ADAMTSL1: variants seen among roughly 807,000 people sequenced by gnomAD.
The protein encoded by ADAMTSL1 is ADAMTS-like protein 1.
In ADAMTSL1, 126 loss-of-function variants were observed where a neutral mutation model predicts 201.8. The observed-to-expected ratio is 0.62, with a 90% CI of 0.54 to 0.72. The LOEUF (loss-of-function observed/expected upper bound fraction) is 0.72. Ranked by LOEUF, ADAMTSL1 falls within the 30% of genes least tolerant of loss-of-function variation. ADAMTSL1 has a pLI of 0.00. For missense variants in ADAMTSL1, 2,679 were observed against 2,277.8 expected (o/e 1.18, Z -3.59); for synonymous variants, 1,121 against 903.4 (o/e 1.24, Z -4.32).
intron 2 of ADAMTSL1, among the ~76,000 whole-genome samples, chr9:18,301,784 A>G (rs180859721): frequency 6.0e-4 from 91 of 152,330 alleles, no homozygotes; most frequent in African/African-American, 2.0e-3. Flanking sequence ...CTTATGGGGC[A>G]AGGTAGTGAC....
chr9:18,466,754 T>C (rs1305521854), intron 2 of ADAMTSL1, among the ~76,000 whole-genome samples: 1 of 152,138 alleles, frequency 6.6e-6, no homozygotes, highest in Non-Finnish European at 1.5e-5. Context: ...AATTATGATA[T>C]GAGATAATTT....
At chr9:17,972,871 T>A in intron 1 of ADAMTSL1, among the ~76,000 whole-genome samples, 1 of 145,522 alleles carries the variant, frequency 6.9e-6, no homozygotes, top group Admixed American at 7.1e-5. Context: ...TGGTGTGAGA[T>A]GGTATCTCAT....
At chr9:17,958,103 G>A (rs1047581459) in intron 1 of ADAMTSL1, among the ~76,000 whole-genome samples, 1 of 151,968 alleles carries the variant, frequency 6.6e-6, no homozygotes, top group African/African-American at 2.4e-5. Context: ...CTTTGTAAAT[G>A]TCTCTTCTTT....
chr9:17,992,096 A>T (rs1344709403), intron 1 of ADAMTSL1, among the ~76,000 whole-genome samples: 1 of 152,080 alleles, frequency 6.6e-6, no homozygotes, highest in Non-Finnish European at 1.5e-5. Context: ...GTGACGCTCC[A>T]CTTTCTCACG....
chr9:17,980,907 C>G (rs974896679), intron 1 of ADAMTSL1, among the ~76,000 whole-genome samples: 3 of 152,028 alleles, frequency 2.0e-5, no homozygotes, highest in Non-Finnish European at 4.4e-5. Context: ...GAAGGGAAGC[C>G]AGTGTGTAGA....
chr9:17,974,757 C>T (rs1405763532), intron 1 of ADAMTSL1, among the ~76,000 whole-genome samples: 1 of 151,932 alleles, frequency 6.6e-6, no homozygotes, highest in Non-Finnish European at 1.5e-5. Flanking sequence ...TTGTGTATAT[C>T]ATATTTTACT....
At chr9:18,280,875 T>C (rs1323094485) in intron 2 of ADAMTSL1, among the ~76,000 whole-genome samples, 2 of 148,048 alleles carry the variant, frequency 1.4e-5, no homozygotes, top group East Asian at 3.9e-4. Flanking sequence ...GCATTCCGCT[T>C]TTTTTTTTTT....
chr9:18,358,305 G>C (rs111477316), intron 2 of ADAMTSL1, among the ~76,000 whole-genome samples: 1 of 152,088 alleles, frequency 6.6e-6, no homozygotes, highest in South Asian at 2.1e-4. Flanking sequence ...TTATTTTTCT[G>C]TTCTTTGCTC....
intron 4 of ADAMTSL1, among the ~76,000 whole-genome samples, chr9:18,608,373 G>A (rs2132586261): frequency 6.6e-6 from 1 of 152,282 alleles, no homozygotes; most frequent in African/African-American, 2.4e-5. Flanking sequence ...AATTCTGTCA[G>A]ATTTGGAATT....
At chr9:17,914,450 G>A (rs9407886) in intron 1 of ADAMTSL1, among the ~76,000 whole-genome samples, 1,751 of 152,204 alleles carry the variant, frequency 0.012, 7 homozygotes, top group Middle Eastern at 0.051. Context: ...ATGCAGAAAA[G>A]GCCTTTGACA....
At chr9:18,518,216 G>C (rs186517238) in intron 2 of ADAMTSL1, among the ~76,000 whole-genome samples, 2 of 152,282 alleles carry the variant, frequency 1.3e-5, no homozygotes, top group Admixed American at 1.3e-4. Flanking sequence ...TTGCATAATG[G>C]TGGGGTTTGG....
intron 2 of ADAMTSL1, among the ~76,000 whole-genome samples, chr9:18,227,059 T>G (rs964834265): frequency 1.3e-5 from 2 of 152,138 alleles, no homozygotes; most frequent in African/African-American, 4.8e-5. Flanking sequence ...TTTCTTATTT[T>G]CATTACTGTT....
At chr9:18,459,283 A>C (rs1820722257) in intron 2 of ADAMTSL1, among the ~76,000 whole-genome samples, 2 of 152,152 alleles carry the variant, frequency 1.3e-5, no homozygotes, top group Non-Finnish European at 2.9e-5. Context: ...TCATCCAGGA[A>C]ATAATACCTC....
chr9:17,931,892 G>T (rs1196289873), intron 1 of ADAMTSL1, among the ~76,000 whole-genome samples: 3 of 152,136 alleles, frequency 2.0e-5, no homozygotes. Flanking sequence ...CAGCAGTGCT[G>T]ATTGGCAACA....
At chr9:18,011,914 C>T (rs547979242) in intron 1 of ADAMTSL1, among the ~76,000 whole-genome samples, 2 of 151,908 alleles carry the variant, frequency 1.3e-5, no homozygotes, top group African/African-American at 4.8e-5. Flanking sequence ...AGAGAGTTGC[C>T]GGTATGGAGC....
intron 15 of ADAMTSL1, among the ~76,000 whole-genome samples, chr9:18,746,774 CAAAAAAAA>C (rs35648138): frequency 8.3e-6 from 1 of 120,650 alleles, no homozygotes; most frequent in Non-Finnish European, 1.7e-5. Context: ...CAAAGGAAGG[CAAAAAAAA>C]AAAAAAAAAA....
intron 1 of ADAMTSL1, among the ~76,000 whole-genome samples, chr9:18,099,355 A>ATTTTTTTTTT (rs397893715): frequency 8.8e-5 from 4 of 45,546 alleles, no homozygotes; most frequent in African/African-American, 3.2e-4. Context: ...ATATATATAT[A>ATTTTTTTTTT]TTTTTTTTTT....
chr9:18,017,664 T>C (rs1203656936), intron 1 of ADAMTSL1, among the ~76,000 whole-genome samples: 3 of 152,016 alleles, frequency 2.0e-5, no homozygotes, highest in African/African-American at 7.2e-5. Flanking sequence ...TTTTCTTAAA[T>C]CTAATAGGTC....
chr9:18,672,383 T>C (rs1180920756), intron 9 of ADAMTSL1, among the ~76,000 whole-genome samples: 1 of 152,156 alleles, frequency 6.6e-6, no homozygotes, highest in Non-Finnish European at 1.5e-5. Context: ...ATTGTTGTAA[T>C]TGTAAAAGGT....
Sources: allele counts gnomAD v4.1 joint callset (sites outside exome capture counted in the v4.1 genomes callset), GRCh38; gene constraint gnomAD v4.1.1; transcripts MANE v1.5; gene names NCBI Gene and HGNC (gene_info 2026-07-23, HGNC 2026-07-21).